The following KALRN variants were observed in gnomAD, a reference collection of about 807,000 sequenced individuals.
KALRN encodes kalirin RhoGEF kinase.
In KALRN, 70 loss-of-function variants were observed where a neutral mutation model predicts 353.7. The ratio of observed to expected loss-of-function variants is 0.20; its 90% CI spans 0.16 to 0.24. The LOEUF (loss-of-function observed/expected upper bound fraction) is 0.24. Among genes scored for constraint, KALRN ranks in the 10% least tolerant of loss-of-function variants. The pLI, the probability that KALRN is intolerant of heterozygous loss-of-function variation, is 1.00. For synonymous variants in KALRN, 1,391 were observed against 1,434.8 expected, an observed-to-expected ratio of 0.97 and a Z score of 0.69; for missense variants, 2,791 against 3,756.7, an observed-to-expected ratio of 0.74 and a Z score of 6.72.
chr3:124,311,303 T>C (rs1029540085), intron 6 of KALRN, among the ~76,000 whole-genome samples: 9 of 151,630 alleles, frequency 5.9e-5, no homozygotes, highest in African/African-American at 1.2e-4. Flanking sequence ...CTACTAAAAA[T>C]AGGTAAAAAA....
chr3:124,588,383 C>T (rs2075422260), intron 34 of KALRN, among the ~76,000 whole-genome samples: 1 of 152,100 alleles, frequency 6.6e-6, no homozygotes, highest in African/African-American at 2.4e-5. Flanking sequence ...GATCAAGGAG[C>T]CCAGAGATTT....
chr3:124,035,354 AG>A (rs1277777359), intron 1 of KALRN, among the ~76,000 whole-genome samples: 2 of 152,142 alleles, frequency 1.3e-5, no homozygotes, highest in Non-Finnish European at 2.9e-5. Context: ...GAGGCAGAGG[AG>A]GGGAGATATG....
intron 34 of KALRN, among the ~76,000 whole-genome samples, chr3:124,574,870 A>C (rs2073927584): frequency 6.6e-6 from 1 of 152,206 alleles, no homozygotes; most frequent in Admixed American, 6.5e-5. Context: ...CTTGAGGAGC[A>C]GCCCTTGCAG....
chr3:124,399,014 C>A (rs2090518600), intron 13 of KALRN, 143 bp downstream of exon 13: 1 of 777,452 alleles, frequency 1.3e-6, no homozygotes, highest in Non-Finnish European at 2.0e-6. Flanking sequence ...TCCCAGTCCA[C>A]CATGGCATAT....
At chr3:124,696,319 C>T (rs576978552) in intron 54 of KALRN, 64 bp downstream of exon 54, 102 of 1,507,706 alleles carry the variant, frequency 6.8e-5, no homozygotes, top group Non-Finnish European at 9.2e-5. Context: ...GGTTCTTGCT[C>T]TGCTGCCCAG....
At chr3:124,298,364 A>G (rs562171101) in intron 5 of KALRN, among the ~76,000 whole-genome samples, 6 of 152,270 alleles carry the variant, frequency 3.9e-5, no homozygotes, top group African/African-American at 1.4e-4. Flanking sequence ...GCAGTGTATA[A>G]GGGGGGCAGA....
chr3:124,156,814 C>G (rs946940852), intron 1 of KALRN, among the ~76,000 whole-genome samples: 2 of 152,122 alleles, frequency 1.3e-5, no homozygotes, highest in Non-Finnish European at 2.9e-5. Flanking sequence ...CATAATGTCC[C>G]AATTGTCATG....
intron 1 of KALRN, among the ~76,000 whole-genome samples, chr3:124,165,147 T>C (rs2070627448): frequency 6.6e-6 from 1 of 152,270 alleles, no homozygotes; most frequent in East Asian, 1.9e-4. Context: ...AAAACACAAG[T>C]AATTAATTTG....
At chr3:124,567,199 T>G (rs1227291995) in intron 34 of KALRN, among the ~76,000 whole-genome samples, 5 of 151,918 alleles carry the variant, frequency 3.3e-5, no homozygotes, top group Non-Finnish European at 5.9e-5. Context: ...GTTCCATAGG[T>G]GAATCTAAGG....
At position 124,667,149 on chromosome 3, in the gene KALRN, T is replaced by G. The variant is rs777886239; in HGVS notation, c.6669T>G (p.Asn2223Lys). ...AGCAGGCCTGGGTGCAGGACATCAA[T>G]CAAGTCTTAGAAACACAGCGAGACT... Reference protein sequence around the residue: ...DIQQAWVQDINQVLETQRDFL... With the variant: ...DIQQAWVQDIKQVLETQRDFL... Residue 2223 changes from asparagine to lysine, a missense_variant, in exon 47 of 60, where the codon AAT becomes AAG. By Grantham distance (94) the Asn-to-Lys change is moderately conservative. Around this residue, in one of 11 missense-constraint regions of KALRN, gnomAD observed 1,065 missense variants for 1,156.4 expected, o/e 0.92. Coordinates refer to ENST00000682506, the MANE Select transcript of KALRN (RefSeq NM_001388419.1). The G allele has an allele frequency of 6.2e-7, 1 of 1,614,134 alleles. No individual in the cohort carries two copies. Among genetic ancestry groups the G allele is most frequent in the East Asian group, 2.2e-5 (1 of 44,880 alleles).
intron 5 of KALRN, among the ~76,000 whole-genome samples, chr3:124,286,510 C>A (rs2075924826): frequency 6.6e-6 from 1 of 152,090 alleles, no homozygotes; most frequent in African/African-American, 2.4e-5. Context: ...CTTGGTCTCC[C>A]AAAGTGCTGG....
rs2061938888 is a variant in KALRN at position 124,481,104 on chromosome 3, C to G, written c.4192-1704C>G. On this transcript the variant is annotated intron_variant, in intron 27 of 59. Transcript: ENST00000682506. The stretch of plus-strand genomic sequence containing the variant: ...AGCCTCATAACTTGTCTTTCTGTCT[C>G]TATTTCTCCAAGATTTACCCCCATG... Among the ~76,000 whole-genome samples, 3 of 152,174 alleles carry G rather than the reference C, an allele frequency of 2.0e-5. No individual in the cohort carries two copies. The South Asian group carries it at 6.2e-4, about 32-fold the overall frequency.
intron 10 of KALRN, among the ~76,000 whole-genome samples, chr3:124,378,075 C>T (rs1293324231): frequency 6.6e-6 from 1 of 152,012 alleles, no homozygotes; most frequent in African/African-American, 2.4e-5. Flanking sequence ...AGATTTAAAT[C>T]TATCACCTTG....
chr3:124,479,873 A>G (rs939601749), intron 27 of KALRN, among the ~76,000 whole-genome samples: 11 of 151,780 alleles, frequency 7.2e-5, no homozygotes, highest in South Asian at 2.1e-4. Context: ...ACAGGCACCC[A>G]CCACCACGCC....
intron 11 of KALRN, among the ~76,000 whole-genome samples, chr3:124,386,980 C>A (rs1302984495): frequency 6.6e-6 from 1 of 152,156 alleles, no homozygotes; most frequent in Non-Finnish European, 1.5e-5. Flanking sequence ...AGTAGTACAG[C>A]AGATATTTTA....
chr3:124,166,735 T>C lies in KALRN; in HGVS notation c.74-61255T>C, dbSNP rs2070913533. ...CCAATGTGAGAGGAAACAGATGTTT[T>C]TTTGAACATCTAAATTTGGAGGGCC... is the stretch of plus-strand genomic sequence containing the variant. On this transcript the variant is annotated intron_variant, in intron 1 of 59. Coordinates refer to ENST00000682506, the MANE Select transcript of KALRN (RefSeq NM_001388419.1). Among the ~76,000 whole-genome samples, 6 of 152,088 alleles carry C rather than the reference T, an allele frequency of 3.9e-5. No individual in the cohort carries two copies. The South Asian group carries it at 1.2e-3, about 32-fold the overall frequency.
intron 5 of KALRN, among the ~76,000 whole-genome samples, chr3:124,293,013 C>T (rs1045594508): frequency 2.6e-5 from 4 of 152,292 alleles, no homozygotes; most frequent in East Asian, 1.9e-4. Context: ...CTGTTCCTTG[C>T]GCTCTAACAC....
intron 33 of KALRN, chr3:124,518,661 T>G: frequency 2.1e-6 from 3 of 1,444,232 alleles, no homozygotes; most frequent in Non-Finnish European, 1.8e-6. Flanking sequence ...CGGGGCTCCC[T>G]TCTTCTCTAC....
chr3:124,642,540 C>T (rs1438450649), intron 37 of KALRN, among the ~76,000 whole-genome samples: 3 of 152,104 alleles, frequency 2.0e-5, no homozygotes, highest in African/African-American at 7.2e-5. Context: ...CCCTCTGGTT[C>T]TCCTATTTTG....
Sources: gnomAD v4.1 joint callset for allele counts (sites outside exome capture counted in the v4.1 genomes callset) on GRCh38, gnomAD v4.1.1 for gene constraint, gnomAD v4.1.1 regional missense constraint, MANE v1.5 for transcripts, NCBI Gene and HGNC (gene_info 2026-07-23, HGNC 2026-07-21) for gene names.